The following TSC22D1 variants were observed in gnomAD, a reference collection of about 807,000 sequenced individuals.
TSC22D1 encodes TSC22 domain family member 1.
In TSC22D1, 9 loss-of-function variants were observed where a neutral mutation model predicts 74.2. The ratio of observed to expected loss-of-function variants is 0.12; its 90% CI spans 0.07 to 0.21. The LOEUF is 0.21. TSC22D1 is among the 10% of genes least tolerant of loss of function. TSC22D1 has a pLI of 1.00. For synonymous variants in TSC22D1, 586 were observed against 492.5 expected (o/e 1.19, Z -2.51); for missense variants, 1,427 against 1,304.7 (o/e 1.09, Z -1.44).
intron 1 of TSC22D1, among the ~76,000 whole-genome samples, chr13:44,531,273 CT>C (rs921499763): frequency 2.6e-5 from 4 of 152,260 alleles, no homozygotes; most frequent in African/African-American, 9.6e-5. Context: ...TAAAACTGCT[CT>C]TTTTTAAAAG....
rs541782956 is a variant in TSC22D1 at position 44,574,554 on chromosome 13, CTGTTGTTGTTGT to C, written c.1509_1520del (p.Gln506_Gln509del). The C allele has an allele frequency of 6.2e-7, 1 of 1,613,906 alleles. No homozygotes were observed. Among genetic ancestry groups the C allele is most frequent in the Admixed American group, 1.7e-5 (1 of 59,998 alleles). On this transcript the variant is annotated inframe_deletion, in exon 1 of 3. Transcript: ENST00000458659. ...TCACACCTTGGAGAGCTGGTTGTTGCTGTTGTTGTTGTTGTTGCTGCTGCTGCTGCTGCACCA... is the reference window on the plus strand; with the variant it reads ...TCACACCTTGGAGAGCTGGTTGTTGCTGTTGCTGCTGCTGCTGCTGCACCA...
chr13:44,537,608 A>G, intron 1 of TSC22D1: 1 of 984,670 alleles, frequency 1.0e-6, no homozygotes, highest in Non-Finnish European at 1.2e-6. Context: ...GTTTTTTTTA[A>G]TTTATATGTG....
At chr13:44,544,259 C>CT (rs1241978909) in intron 1 of TSC22D1, among the ~76,000 whole-genome samples, 1 of 151,524 alleles carries the variant, frequency 6.6e-6, no homozygotes. Context: ...TTCTAATATT[C>CT]TTTTTCAGAG....
intron 1 of TSC22D1, among the ~76,000 whole-genome samples, chr13:44,545,399 T>C (rs1471762027): frequency 6.6e-6 from 1 of 152,100 alleles, no homozygotes; most frequent in Non-Finnish European, 1.5e-5. Flanking sequence ...AAGGCTAGTA[T>C]ATGTCATTAA....
intron 1 of TSC22D1, among the ~76,000 whole-genome samples, chr13:44,541,928 A>G (rs1464918108): frequency 6.6e-6 from 1 of 152,144 alleles, no homozygotes; most frequent in Non-Finnish European, 1.5e-5. Flanking sequence ...TGCTTTAAAA[A>G]TTATTTATTA....
At chr13:44,473,441 A>C (rs1166509776) in intron 1 of TSC22D1, among the ~76,000 whole-genome samples, 1 of 152,014 alleles carries the variant, frequency 6.6e-6, no homozygotes, top group Non-Finnish European at 1.5e-5. Flanking sequence ...GTTGCAGTGA[A>C]CCAAGATCAT....
intron 1 of TSC22D1, among the ~76,000 whole-genome samples, chr13:44,558,951 CTAA>C (rs1416223344): frequency 1.3e-5 from 2 of 152,114 alleles, no homozygotes; most frequent in East Asian, 3.9e-4. Flanking sequence ...GGTAAAATTC[CTAA>C]TAATAAAACA....
intron 1 of TSC22D1, among the ~76,000 whole-genome samples, chr13:44,457,142 G>T (rs542701397): frequency 6.6e-6 from 1 of 152,348 alleles, no homozygotes; most frequent in African/African-American, 2.4e-5. Flanking sequence ...GATTTTGTTT[G>T]TGAGAAACAT....
At chr13:44,449,947 T>C (rs1338406276) in intron 1 of TSC22D1, among the ~76,000 whole-genome samples, 9 of 152,158 alleles carry the variant, frequency 5.9e-5, no homozygotes. Flanking sequence ...ACCACAGTTA[T>C]CAAGATGAGT....
chr13:44,454,294 T>C (rs1469677723), intron 1 of TSC22D1, among the ~76,000 whole-genome samples: 1 of 152,210 alleles, frequency 6.6e-6, no homozygotes, highest in East Asian at 1.9e-4. Context: ...CTAAATTAAA[T>C]GAGTGATTAA....
At chr13:44,453,555 C>G (rs923611801) in intron 1 of TSC22D1, among the ~76,000 whole-genome samples, 2 of 152,174 alleles carry the variant, frequency 1.3e-5, no homozygotes, top group African/African-American at 4.8e-5. Flanking sequence ...AGTGGTCAGA[C>G]AACTTACCCA....
At chr13:44,521,038 G>A (rs1566151322) in intron 1 of TSC22D1, among the ~76,000 whole-genome samples, 1 of 152,120 alleles carries the variant, frequency 6.6e-6, no homozygotes, top group Non-Finnish European at 1.5e-5. Flanking sequence ...CTTGCCCAAG[G>A]TGAGTGGCAG....
rs866384970 is a variant in TSC22D1 at position 44,574,733 on chromosome 13, C to A, written c.1342G>T (p.Val448Leu). 9 of 1,610,112 alleles carry A rather than the reference C, an allele frequency of 5.6e-6. No individual in the cohort carries two copies. In the African/African-American group the frequency reaches 1.1e-4, roughly 19 times the overall value. ...ATCGGATTTTGCTTTACAGTCTCCA[C>A]CACTTTATTTATCAGCACACCTTCT... ...ATEGVLINKVVETVKQNPIEV... is the reference protein window; with the variant it reads ...ATEGVLINKVLETVKQNPIEV... The change falls in exon 1 of 3, where the codon GTG becomes TTG. Residue 448 changes from valine to leucine, a missense_variant. Around this residue, in one of 3 missense-constraint regions of TSC22D1, gnomAD observed 1,343 missense variants for 1,191.5 expected, o/e 1.13. Coordinates refer to ENST00000458659, the MANE Select transcript of TSC22D1 (RefSeq NM_183422.4).
intron 1 of TSC22D1, among the ~76,000 whole-genome samples, chr13:44,446,803 A>AGGAGGAGGAAGAGGAGGAGGAAT (rs1566115894): frequency 7.1e-6 from 1 of 140,286 alleles, no homozygotes; most frequent in African/African-American, 2.7e-5. Flanking sequence ...GGAGGAGGAA[A>AGGAGGAGGAAGAGGAGGAGGAAT]AGGAGGAGGA....
rs1333177125 is a variant in TSC22D1, at chr13:44,573,199, G to C, written c.2876C>G (p.Pro959Arg). 1 of 1,614,004 alleles carries C rather than the reference G, an allele frequency of 6.2e-7. No individual in the cohort carries two copies. The highest frequency in any genetic ancestry group is 2.2e-5 in the East Asian group (1 of 44,898). The part of the protein sequence containing the change: ...SASLFPLKVL[P>R]LTTPLVDGED... The stretch of plus-strand genomic sequence containing the variant: ...GCCATCCACCAGGGGTGTCGTCAGC[G>C]GTAGCACCTTCAACGGGAAAAGAGA... Residue 959 changes from proline to arginine, a missense_variant, in exon 1 of 3, where the codon CCG (proline) becomes CGG (arginine). By Grantham distance (103) the Pro-to-Arg change is moderately radical. Around this residue, in one of 3 missense-constraint regions of TSC22D1, gnomAD observed 1,343 missense variants for 1,191.5 expected, o/e 1.13. Transcript: ENST00000458659.
chr13:44,573,276 C>T lies in TSC22D1; in HGVS notation c.2799G>A (p.Gly933=). The T allele has an allele frequency of 6.2e-7, 1 of 1,614,192 alleles. No individual in the cohort carries two copies. Among genetic ancestry groups the T allele is most frequent in the Non-Finnish European group, 8.5e-7 (1 of 1,180,036 alleles). The part of the protein sequence containing the change: ...GLPQTISGDS[G]GMSAVSDGSS... ...TCCCATCTGAAACTGCTGACATTCC[C>T]CCACTGTCACCACTGATAGTCTGAG... The change falls in exon 1 of 3, where the codon GGG becomes GGA. Residue 933 remains glycine, a synonymous_variant. Transcript: ENST00000458659.
At position 44,434,447 on chromosome 13, in the gene TSC22D1, T is replaced by C. The variant is rs1288545999; in HGVS notation, c.*179A>G. 1 of 1,358,214 alleles carries C rather than the reference T, an allele frequency of 7.4e-7. No individual in the cohort carries two copies. The allele number at this position is 1,358,214 out of a possible 1,614,324, so 84.1% of individuals were successfully genotyped here. On this transcript the variant is annotated 3_prime_UTR_variant, in exon 3 of 3. Coordinates refer to ENST00000458659, the MANE Select transcript of TSC22D1 (RefSeq NM_183422.4). ...TTAATTCACCCAACTAAGAAATTTC[T>C]CCAAGCCATAAGCATATGAGTGTTT...
intron 1 of TSC22D1, among the ~76,000 whole-genome samples, chr13:44,527,671 CCAGAT>C (rs765054339): frequency 1.2e-4 from 18 of 152,142 alleles, no homozygotes; most frequent in Non-Finnish European, 2.1e-4. Context: ...CAAACCTAGA[CCAGAT>C]AACTAATCCA....
intron 1 of TSC22D1, among the ~76,000 whole-genome samples, chr13:44,519,292 C>T (rs1361664028): frequency 6.6e-6 from 1 of 151,990 alleles, no homozygotes; most frequent in East Asian, 1.9e-4. Flanking sequence ...ATAAGGCTGA[C>T]ATCTTAAAAT....
Sources: allele counts gnomAD v4.1 joint callset (sites outside exome capture counted in the v4.1 genomes callset), GRCh38; gene constraint gnomAD v4.1.1; regional missense constraint gnomAD v4.1.1; transcripts MANE v1.5; gene names NCBI Gene and HGNC (gene_info 2026-07-23, HGNC 2026-07-21).